The following RANBP3L variants were observed in gnomAD, a reference collection of about 807,000 sequenced individuals.
RANBP3L encodes ran-binding protein 3-like.
In RANBP3L, 56 loss-of-function variants were observed where a neutral mutation model predicts 67.2. The observed-to-expected ratio is 0.83, with a 90% CI of 0.67 to 1.04. RANBP3L has a LOEUF of 1.04. Among genes scored for constraint, RANBP3L ranks in the 50% least tolerant of loss-of-function variants. RANBP3L has a pLI of 0.00. For missense variants in RANBP3L, 496 were observed against 535.5 expected (o/e 0.93, Z 0.73); for synonymous variants, 164 against 181.4 (o/e 0.90, Z 0.77).
Position 36,269,426 on chromosome 5 carries a change from A to G in RANBP3L, c.232T>C (p.Phe78Leu). ...TGAGAATCTGTAATATGAAAAGTAA[A>G]AGATGAAGACCGTACACGCTTTGTT... ...FPTKRVRSSS[F>L]TFHITDSQSQ... is the part of the protein sequence containing the mutation. The change falls in exon 4 of 14, where the codon TTT becomes CTT. Residue 78 changes from phenylalanine (F) to leucine (L), a missense_variant. Transcript: ENST00000296604. 1 of 1,579,472 alleles carries G rather than the reference A, an allele frequency of 6.3e-7. No individual in the cohort carries two copies. Among genetic ancestry groups the G allele is most frequent in the Non-Finnish European group, 8.7e-7 (1 of 1,148,212 alleles).
intron 1 of RANBP3L, among the ~76,000 whole-genome samples, chr5:36,299,884 A>G (rs1183832417): frequency 2.0e-5 from 3 of 152,224 alleles, no homozygotes; most frequent in African/African-American, 7.2e-5. Context: ...TGTTTACAAA[A>G]GTATCCAGAA....
At chr5:36,282,776 C>A (rs1751058880) in intron 1 of RANBP3L, among the ~76,000 whole-genome samples, 1 of 152,142 alleles carries the variant, frequency 6.6e-6, no homozygotes, top group Non-Finnish European at 1.5e-5. Flanking sequence ...GGTCCCCATT[C>A]TCCTCTAGGG....
chr5:36,292,960 G>A (rs2112125569), intron 1 of RANBP3L, among the ~76,000 whole-genome samples: 2 of 140,578 alleles, frequency 1.4e-5, no homozygotes, highest in African/African-American at 5.3e-5. Flanking sequence ...AGCTTGATGG[G>A]GATGGCATTG....
rs193045169 is a variant in RANBP3L, at chr5:36,290,722, A to G, written c.91+10604T>C. On this transcript the variant is annotated intron_variant, in intron 1 of 13. Coordinates refer to ENST00000296604, the MANE Select transcript of RANBP3L (RefSeq NM_145000.5). ...TAATTAGGGATGGCCTTGGACAACCATGGCTTTTTTTTTTTTTTTTTTTTT... is the reference window on the plus strand; with the variant it reads ...TAATTAGGGATGGCCTTGGACAACCGTGGCTTTTTTTTTTTTTTTTTTTTT... Among the ~76,000 whole-genome samples the G allele has an allele frequency of 4.5e-3, 595 of 131,514 alleles. 10 individuals are homozygous for G. The highest frequency in any genetic ancestry group is 0.017 in the African/African-American group (572 of 34,664). 86.3% of individuals were successfully genotyped at this position (131,514 alleles called of 152,430 possible).
chr5:36,249,823 A>G, intron 13 of RANBP3L, 126 bp from the exon 14 acceptor site: 1 of 406,424 alleles, frequency 2.5e-6, no homozygotes, highest in South Asian at 8.6e-5. Flanking sequence ...AAGCTACAGA[A>G]TATACATTTT....
chr5:36,294,459 G>T (rs1752042573), intron 1 of RANBP3L, among the ~76,000 whole-genome samples: 1 of 151,842 alleles, frequency 6.6e-6, no homozygotes, highest in African/African-American at 2.4e-5. Flanking sequence ...GAATGTGTTT[G>T]CTCTTGCTTT....
chr5:36,284,172 T>C (rs1043234188), intron 1 of RANBP3L, among the ~76,000 whole-genome samples: 1 of 152,208 alleles, frequency 6.6e-6, no homozygotes, highest in Non-Finnish European at 1.5e-5. Flanking sequence ...ACATACATTT[T>C]ATGTTCTTTT....
At chr5:36,284,193 T>C (rs903998915) in intron 1 of RANBP3L, among the ~76,000 whole-genome samples, 6 of 152,198 alleles carry the variant, frequency 3.9e-5, no homozygotes, top group African/African-American at 1.4e-4. Context: ...GAGGTGGCTT[T>C]AGTTAGTATC....
chr5:36,277,412 C>CTCTG (rs1478752583), intron 1 of RANBP3L, among the ~76,000 whole-genome samples: 1 of 73,760 alleles, frequency 1.4e-5, no homozygotes, highest in Non-Finnish European at 2.7e-5. Flanking sequence ...CTCTCTCTCT[C>CTCTG]TCTCTCTCTC....
Position 36,257,044 on chromosome 5 carries a change from AG to A in RANBP3L, c.799del (p.Leu267Ter). 6.2e-7 allele frequency: 1 copy of A among 1,612,612 alleles called. No individual in the cohort carries two copies. Among genetic ancestry groups the A allele is most frequent in the Non-Finnish European group, 8.5e-7 (1 of 1,179,084 alleles). ...SRTDSIKNTSLIESAAAFSSQ... is the reference protein window; with the variant it reads ...SRTDSIKNTSXIESAAAFSSQ... ...AGAGAATGCAGCAGCTGATTCAATT[AG>A]GGAAGTATTTTTAATAGAGTCTGTT... is the stretch of plus-strand genomic sequence containing the variant. On this transcript the variant is annotated frameshift_variant, in exon 10 of 14. Transcript: ENST00000296604. LOFTEE classifies it high-confidence loss of function.
At chr5:36,290,914 T>G (rs1751699656) in intron 1 of RANBP3L, among the ~76,000 whole-genome samples, 1 of 148,154 alleles carries the variant, frequency 6.7e-6, no homozygotes, top group African/African-American at 2.5e-5. Context: ...TTTTTTTTTT[T>G]TTTGTATTTT....
rs1752621936 is a variant in RANBP3L, at chr5:36,301,587, T to C, written c.-171A>G. ...TAAACTTCCAAGCTTTTTCCAGTCA[T>C]GATTCTTGAAATAAATAATCACCAA... is the stretch of plus-strand genomic sequence containing the variant. On this transcript the variant is annotated 5_prime_UTR_variant, in exon 1 of 14. The change abolishes an upstream ATG in the 5' untranslated region. Coordinates refer to ENST00000296604, the MANE Select transcript of RANBP3L (RefSeq NM_145000.5). 1 of 492,486 alleles carries C rather than the reference T, an allele frequency of 2.0e-6. No homozygotes were observed. Among genetic ancestry groups the C allele is most frequent in the Non-Finnish European group, 3.6e-6 (1 of 274,208 alleles). The allele number at this position is 492,486 out of a possible 1,614,324, so 30.5% of individuals were successfully genotyped here.
intron 6 of RANBP3L, among the ~76,000 whole-genome samples, chr5:36,263,392 CAAGA>C (rs1749531666): frequency 6.6e-6 from 1 of 151,652 alleles, no homozygotes; most frequent in African/African-American, 2.4e-5. Flanking sequence ...AAAATTCTGC[CAAGA>C]AAGAAATATT....
intron 1 of RANBP3L, among the ~76,000 whole-genome samples, chr5:36,277,072 G>A (rs913711703): frequency 6.6e-6 from 1 of 152,234 alleles, no homozygotes; most frequent in Non-Finnish European, 1.5e-5. Flanking sequence ...CCCCTGCAGA[G>A]GGGCAGGCAC....
At chr5:36,271,211 CT>C in intron 2 of RANBP3L, 41 bp downstream of exon 2, 2 of 1,115,884 alleles carry the variant, frequency 1.8e-6, no homozygotes, top group Non-Finnish European at 2.7e-6. Context: ...ATATAATTGT[CT>C]TTGTCAAAGT....
At chr5:36,271,424 G>A (rs563893453) in intron 1 of RANBP3L, 113 bp from the exon 2 acceptor site, 89 of 686,200 alleles carry the variant, frequency 1.3e-4, no homozygotes, top group Non-Finnish European at 2.0e-4. Flanking sequence ...CTGCATTTGG[G>A]TAAAAGCCAA....
intron 5 of RANBP3L, 125 bp from the exon 6 acceptor site, chr5:36,265,223 T>G: frequency 2.8e-6 from 2 of 711,662 alleles, no homozygotes; most frequent in Middle Eastern, 5.7e-4. Context: ...CGTTAATTAA[T>G]CCAAGTCAAA....
intron 12 of RANBP3L, among the ~76,000 whole-genome samples, chr5:36,251,977 A>G (rs897525172): frequency 2.6e-5 from 4 of 152,090 alleles, no homozygotes; most frequent in Non-Finnish European, 5.9e-5. Context: ...GCTTTTCAGT[A>G]TTTTCCTATG....
At chr5:36,295,539 G>A (rs1050846453) in intron 1 of RANBP3L, among the ~76,000 whole-genome samples, 1 of 152,122 alleles carries the variant, frequency 6.6e-6, no homozygotes, top group African/African-American at 2.4e-5. Flanking sequence ...GCCTCAGGGA[G>A]TTCTTTATAG....
Sources: gnomAD v4.1 joint callset for allele counts (sites outside exome capture counted in the v4.1 genomes callset) on GRCh38, gnomAD v4.1.1 for gene constraint, MANE v1.5 for transcripts, NCBI Gene and HGNC (gene_info 2026-07-23, HGNC 2026-07-21) for gene names.